Variants in ATP13A5 observed in about 807,000 individuals in gnomAD.
ATP13A5 encodes probable cation-transporting ATPase 13A5.
Under a neutral mutation model 150.2 loss-of-function variants are expected in ATP13A5, and 149 were observed. The ratio of observed to expected loss-of-function variants is 0.99; its 90% CI spans 0.87 to 1.14. ATP13A5 has a LOEUF of 1.14. Among genes scored for constraint, ATP13A5 ranks in the 50% most tolerant of loss-of-function variants. ATP13A5 has a pLI of 0.00. For synonymous variants in ATP13A5, 497 were observed against 522.2 expected (o/e 0.95, Z 0.66); for missense variants, 1,383 against 1,449.3 (o/e 0.95, Z 0.74).
intron 9 of ATP13A5, among the ~76,000 whole-genome samples, chr3:193,337,033 T>A (rs1411395050): frequency 6.6e-6 from 1 of 152,244 alleles, no homozygotes; most frequent in African/African-American, 2.4e-5. Context: ...CATAAATGTC[T>A]TCTTTTGAGA....
intron 15 of ATP13A5, among the ~76,000 whole-genome samples, chr3:193,322,093 C>T (rs78808464): frequency 0.016 from 2,455 of 152,240 alleles, 89 homozygotes; most frequent in African/African-American, 0.056. Flanking sequence ...ATCTCCTCTG[C>T]AGTGCTTTTA....
chr3:193,275,510 C>G (rs1717154398), intron 29 of ATP13A5, among the ~76,000 whole-genome samples: 1 of 152,180 alleles, frequency 6.6e-6, no homozygotes, highest in Non-Finnish European at 1.5e-5. Context: ...CCAGAAGCTT[C>G]CAGCATTTCC....
At chr3:193,361,174 G>A (rs1004768063) in intron 5 of ATP13A5, among the ~76,000 whole-genome samples, 12 of 152,120 alleles carry the variant, frequency 7.9e-5, no homozygotes, top group Admixed American at 3.3e-4. Flanking sequence ...TGTATTTAGT[G>A]CTATTAAACC....
At chr3:193,283,568 CA>C (rs973344094) in intron 27 of ATP13A5, among the ~76,000 whole-genome samples, 3 of 152,106 alleles carry the variant, frequency 2.0e-5, no homozygotes, top group African/African-American at 7.2e-5. Flanking sequence ...ATCAGACCAG[CA>C]CAAATTTTGT....
At position 193,307,313 on chromosome 3, in the gene ATP13A5, C is replaced by T; in HGVS notation, c.2568+14G>A. 1 of 1,613,718 alleles carries T rather than the reference C, an allele frequency of 6.2e-7. No homozygotes were observed. Among genetic ancestry groups the T allele is most frequent in the Non-Finnish European group, 8.5e-7 (1 of 1,179,834 alleles). ...AGTGAGTGGCTTGTCTGAGCAAAAG[C>T]CATTTCTACTCACCCCACAGTCGTT... On this transcript the variant is annotated intron_variant, in intron 22 of 29. Transcript: ENST00000342358.
intron 18 of ATP13A5, 65 bp from the exon 19 acceptor site, chr3:193,314,258 T>G: frequency 6.6e-7 from 1 of 1,523,662 alleles, no homozygotes; most frequent in Non-Finnish European, 8.9e-7. Flanking sequence ...AGAACTGAGG[T>G]CTCCCTTTTC....
intron 9 of ATP13A5, 91 bp from the exon 10 acceptor site, chr3:193,335,190 C>T: frequency 8.2e-7 from 1 of 1,221,326 alleles, no homozygotes; most frequent in Admixed American, 1.9e-5. Context: ...ATACAAACCA[C>T]AACTAATCCG....
chr3:193,348,848 A>T (rs1157441511), intron 7 of ATP13A5, among the ~76,000 whole-genome samples: 1 of 152,122 alleles, frequency 6.6e-6, no homozygotes, highest in Non-Finnish European at 1.5e-5. Flanking sequence ...TCACTTTGAG[A>T]TTGCGCTCAA....
Position 193,354,152 on chromosome 3 carries a change from G to A in ATP13A5, c.581C>T (p.Pro194Leu). 1.9e-6 allele frequency: 3 copies of A among 1,611,074 alleles called. No individual in the cohort carries two copies. Among genetic ancestry groups the A allele is most frequent in the African/African-American group, 1.3e-5 (1 of 74,882 alleles). ...CTGTTTAACAAGCAGCTTCCATATG[G>A]GTTGGATTTCAACCTCAATGGCGTT... is the stretch of plus-strand genomic sequence containing the variant. ...GPNAIEVEIQ[P>L]IWKLLVKQVL... Residue 194 changes from proline to leucine, a missense_variant, in exon 6 of 30, where the codon CCC becomes CTC. Pro to Leu is a moderately conservative substitution (Grantham distance 98, BLOSUM62 -3). Transcript: ENST00000342358.
intron 7 of ATP13A5, among the ~76,000 whole-genome samples, chr3:193,350,590 T>C (rs1712526804): frequency 6.6e-6 from 1 of 152,172 alleles, no homozygotes; most frequent in Non-Finnish European, 1.5e-5. Context: ...AATGAACACA[T>C]AGACATTATA....
intron 9 of ATP13A5, among the ~76,000 whole-genome samples, chr3:193,343,440 C>A (rs547184103): frequency 6.6e-6 from 1 of 152,148 alleles, no homozygotes; most frequent in African/African-American, 2.4e-5. Flanking sequence ...CGTCTTTGCC[C>A]GGAGGTTCAA....
At chr3:193,361,806 AC>A (rs1713016343) in intron 5 of ATP13A5, among the ~76,000 whole-genome samples, 3 of 152,188 alleles carry the variant, frequency 2.0e-5, no homozygotes. Context: ...CAATGACTAA[AC>A]CTTTGTCTTT....
At chr3:193,305,383 G>A (rs1390090879) in intron 23 of ATP13A5, among the ~76,000 whole-genome samples, 176 bp downstream of exon 23, 3 of 152,112 alleles carry the variant, frequency 2.0e-5, no homozygotes, top group Non-Finnish European at 4.4e-5. Context: ...ACTTTTCTGT[G>A]GCTTTTACCA....
intron 17 of ATP13A5, among the ~76,000 whole-genome samples, chr3:193,316,667 A>C (rs1000890044): frequency 6.6e-6 from 1 of 151,984 alleles, no homozygotes; most frequent in Admixed American, 6.6e-5. Flanking sequence ...AAATTGGATT[A>C]TTTATTGATT....
At chr3:193,344,100 T>G (rs745699108) in intron 8 of ATP13A5, 45 bp from the exon 9 acceptor site, 3 of 1,595,378 alleles carry the variant, frequency 1.9e-6, no homozygotes, top group Non-Finnish European at 2.6e-6. Context: ...CTTTTCCTGT[T>G]TTTACTTAAG....
chr3:193,329,252 A>G (rs1460232557), intron 12 of ATP13A5, among the ~76,000 whole-genome samples: 3 of 152,104 alleles, frequency 2.0e-5, no homozygotes, highest in African/African-American at 7.2e-5. Flanking sequence ...AAGAAAAAAA[A>G]AAAAAGGTCA....
chr3:193,338,435 A>G (rs1711979408), intron 9 of ATP13A5, among the ~76,000 whole-genome samples: 1 of 152,214 alleles, frequency 6.6e-6, no homozygotes, highest in Admixed American at 6.5e-5. Flanking sequence ...GAAAGTTTTT[A>G]GCATGAAGGG....
rs191906791 is a variant in ATP13A5 at position 193,367,676 on chromosome 3, G to A, written c.64-3396C>T. 3.3e-5 allele frequency among the ~76,000 whole-genome samples: 5 copies of A among 152,212 alleles called. No individual in the cohort carries two copies. The East Asian group carries it at 9.6e-4, about 29-fold the overall frequency. On this transcript the variant is annotated intron_variant, in intron 1 of 29. Coordinates refer to ENST00000342358, the MANE Select transcript of ATP13A5 (RefSeq NM_198505.4). ...TAGAAATGCAAGGATTTAAAAATCA[G>A]TCAATGTACTTTGCCATTCCATGCA...
At chr3:193,333,240 A>G (rs1158724912) in intron 11 of ATP13A5, among the ~76,000 whole-genome samples, 2 of 151,858 alleles carry the variant, frequency 1.3e-5, no homozygotes, top group Non-Finnish European at 2.9e-5. Context: ...AGCCACTCAC[A>G]GTTTTTCACC....
Sources: gnomAD v4.1 joint callset for allele counts (sites outside exome capture counted in the v4.1 genomes callset) on GRCh38, gnomAD v4.1.1 for gene constraint, MANE v1.5 for transcripts, NCBI Gene and HGNC (gene_info 2026-07-23, HGNC 2026-07-21) for gene names.